Variants in TNFSF11 observed in about 807,000 individuals in gnomAD.
The protein encoded by TNFSF11 is tumor necrosis factor ligand superfamily member 11.
In TNFSF11, 12 loss-of-function variants were observed where a neutral mutation model predicts 32.2. The ratio of observed to expected loss-of-function variants is 0.37; its 90% CI spans 0.24 to 0.60. The LOEUF is 0.60. Among genes scored for constraint, TNFSF11 ranks in the 20% least tolerant of loss-of-function variants. The pLI is 0.66. For synonymous variants in TNFSF11, 172 were observed against 152.1 expected (o/e 1.13, Z -0.96); for missense variants, 345 against 398.0 (o/e 0.87, Z 1.13).
At chr13:42,593,514 C>T (rs749402193) in intron 2 of TNFSF11, among the ~76,000 whole-genome samples, 1 of 152,042 alleles carries the variant, frequency 6.6e-6, no homozygotes, top group Non-Finnish European at 1.5e-5. Flanking sequence ...CAGTGGTACC[C>T]AGGTTGGAGA....
In TNFSF11 at chr13:42,574,501, G is replaced by C. The variant is rs1456892614; in HGVS notation, c.198G>C (p.Leu66=). 2 of 1,608,836 alleles carry C rather than the reference G, an allele frequency of 1.2e-6. No individual in the cohort carries two copies. Among genetic ancestry groups the C allele is most frequent in the African/African-American group, 2.7e-5 (2 of 74,904 alleles). ...GCCAGGTTGTCTGCAGCGTCGCCCT[G>C]TTCTTCTATTTCAGAGCGCAGGTGA... The part of the protein sequence containing the change: ...GLGQVVCSVA[L]FFYFRAQMDP... The change falls in exon 1 of 5, where the codon CTG becomes CTC. Residue 66 remains leucine (L), a synonymous_variant. Coordinates refer to ENST00000398795, the MANE Select transcript of TNFSF11 (RefSeq NM_003701.4).
upstream of TNFSF11, among the ~76,000 whole-genome samples, chr13:42,570,826 C>T (rs1207283869): frequency 1.3e-5 from 2 of 152,122 alleles, no homozygotes; most frequent in South Asian, 2.1e-4. Flanking sequence ...ATTATCTTTG[C>T]CTAAGAGCTT....
upstream of TNFSF11, among the ~76,000 whole-genome samples, chr13:42,573,198 A>G (rs1311504527): frequency 6.6e-6 from 1 of 150,714 alleles, no homozygotes; most frequent in Non-Finnish European, 1.5e-5. Flanking sequence ...TCTGTGGTTC[A>G]TTGCATCCAC....
intron 1 of TNFSF11, among the ~76,000 whole-genome samples, chr13:42,580,011 AAC>A (rs1873524647): frequency 1.3e-5 from 2 of 152,202 alleles, no homozygotes; most frequent in Middle Eastern, 3.2e-3. Flanking sequence ...TTAATAAACT[AAC>A]ACATCATTCT....
intron 2 of TNFSF11, among the ~76,000 whole-genome samples, chr13:42,599,812 C>T (rs764234719): frequency 5.9e-5 from 9 of 152,226 alleles, no homozygotes; most frequent in African/African-American, 2.2e-4. Flanking sequence ...TCAAGTGATC[C>T]GCCCATGCCA....
intron 2 of TNFSF11, among the ~76,000 whole-genome samples, chr13:42,568,661 G>C (rs1296934530): frequency 6.6e-6 from 1 of 152,132 alleles, no homozygotes; most frequent in Non-Finnish European, 1.5e-5. Flanking sequence ...GCCTGGACCG[G>C]AGATCAGAAG....
At chr13:42,589,683 G>T (rs904912519) in intron 2 of TNFSF11, among the ~76,000 whole-genome samples, 2 of 152,074 alleles carry the variant, frequency 1.3e-5, no homozygotes, top group African/African-American at 4.8e-5. Flanking sequence ...GAACTCTCCC[G>T]ACCTGGCCAT....
intron 2 of TNFSF11, among the ~76,000 whole-genome samples, chr13:42,590,935 T>C (rs547557906): frequency 6.6e-6 from 1 of 152,380 alleles, no homozygotes; most frequent in Admixed American, 6.5e-5. Context: ...TTTAGCTCTT[T>C]GGTAGGTAGA....
chr13:42,569,147 T>C (rs992348412), intron 2 of TNFSF11, among the ~76,000 whole-genome samples: 56 of 152,122 alleles, frequency 3.7e-4, no homozygotes, highest in African/African-American at 1.3e-3. Flanking sequence ...TTACCTCACA[T>C]GGCAAAACTT....
chr13:42,606,962 A>G lies in TNFSF11; in HGVS notation c.*44A>G. On this transcript the variant is annotated 3_prime_UTR_variant, in exon 5 of 5. Coordinates refer to ENST00000398795, the MANE Select transcript of TNFSF11 (RefSeq NM_003701.4). ...TTATGTATTTCCTGGATGTTTGGAAACATTTTTTAAAACAAGCCAAGAAAG... is the reference window on the plus strand; with the variant it reads ...TTATGTATTTCCTGGATGTTTGGAAGCATTTTTTAAAACAAGCCAAGAAAG... 1 of 1,613,066 alleles carries G rather than the reference A, an allele frequency of 6.2e-7. No individual in the cohort carries two copies. The highest frequency in any genetic ancestry group is 8.5e-7 in the Non-Finnish European group (1 of 1,179,670).
rs540049360 is a variant in TNFSF11, at chr13:42,602,259, A to G, written c.532+1278A>G. Reference sequence around the variant, plus strand: ...ATAGCATCTGCCTCAAGGGGTAGCTATGAAGATGAAATGAGGTAGACTGCT... The same window carrying G: ...ATAGCATCTGCCTCAAGGGGTAGCTGTGAAGATGAAATGAGGTAGACTGCT... On this transcript the variant is annotated intron_variant, in intron 4 of 4. Coordinates refer to ENST00000398795, the MANE Select transcript of TNFSF11 (RefSeq NM_003701.4). Among the ~76,000 whole-genome samples, 4 of 152,344 alleles carry G rather than the reference A, an allele frequency of 2.6e-5. 1 individual carries two copies. In the South Asian group the frequency reaches 6.2e-4, roughly 24 times the overall value.
In TNFSF11 at chr13:42,597,913, G is replaced by A. The variant is rs572377248; in HGVS notation, c.388-2839G>A. ...CACCTAGGCTGGAGTGCAGTGGCAC[G>A]TCACAGCTCACTTCAGCCTCTACCT... On this transcript the variant is annotated intron_variant, in intron 2 of 4. Transcript: ENST00000398795. Among the ~76,000 whole-genome samples the A allele has an allele frequency of 2.0e-5, 3 of 151,978 alleles. No homozygotes were observed. The South Asian group carries it at 6.2e-4, about 32-fold the overall frequency.
At chr13:42,600,176 A>G (rs1869091124) in intron 2 of TNFSF11, among the ~76,000 whole-genome samples, 1 of 152,012 alleles carries the variant, frequency 6.6e-6, no homozygotes, top group South Asian at 2.1e-4. Flanking sequence ...CTAATCCTCT[A>G]TTTGTGGCCA....
chr13:42,581,342 C>T (rs1458234714), intron 2 of TNFSF11, 49 bp downstream of exon 2: 1 of 1,601,426 alleles, frequency 6.2e-7, no homozygotes, highest in African/African-American at 1.3e-5. Flanking sequence ...CTGACTCTAC[C>T]AATACTGAAA....
upstream of TNFSF11, among the ~76,000 whole-genome samples, chr13:42,570,657 T>C (rs1873029420): frequency 6.6e-6 from 1 of 152,182 alleles, no homozygotes; most frequent in Non-Finnish European, 1.5e-5. Flanking sequence ...TTATGATAAA[T>C]AAGGCAGATA....
At chr13:42,605,948 A>G (rs186052230) in intron 4 of TNFSF11, among the ~76,000 whole-genome samples, 11 of 152,202 alleles carry the variant, frequency 7.2e-5, no homozygotes, top group Admixed American at 3.3e-4. Context: ...GAGAAGGTTG[A>G]GACTTGTGAC....
chr13:42,583,340 A>G (rs1264282239), intron 2 of TNFSF11, among the ~76,000 whole-genome samples: 5 of 143,704 alleles, frequency 3.5e-5, no homozygotes, highest in Non-Finnish European at 7.5e-5. Context: ...TGGGCCTGGG[A>G]GGTGGACGCT....
intron 1 of TNFSF11, among the ~76,000 whole-genome samples, chr13:42,579,110 G>T (rs1873461826): frequency 6.6e-6 from 1 of 152,062 alleles, no homozygotes; most frequent in Non-Finnish European, 1.5e-5. Flanking sequence ...AAGAATATAG[G>T]GTTCGGGTGC....
At position 42,595,031 on chromosome 13, in the gene TNFSF11, T is replaced by C. The variant is rs548253617; in HGVS notation, c.388-5721T>C. On this transcript the variant is annotated intron_variant, in intron 2 of 4. Coordinates refer to ENST00000398795, the MANE Select transcript of TNFSF11 (RefSeq NM_003701.4). ...AGATGAAAAGTTAATGCAGTCTAAA[T>C]AGAAAAATACCACAATGAGAAGATT... 2.0e-5 allele frequency among the ~76,000 whole-genome samples: 3 copies of C among 152,202 alleles called. No homozygotes were observed. In the East Asian group the frequency reaches 5.8e-4, roughly 29 times the overall value.
Sources: allele counts gnomAD v4.1 joint callset (sites outside exome capture counted in the v4.1 genomes callset), GRCh38; gene constraint gnomAD v4.1.1; transcripts MANE v1.5; gene names NCBI Gene and HGNC (gene_info 2026-07-23, HGNC 2026-07-21).